The following FRMD6 variants were observed in gnomAD, a reference collection of about 807,000 sequenced individuals.
The protein encoded by FRMD6 is FERM domain containing 6.
A neutral mutation model predicts 73.2 loss-of-function variants in FRMD6; 37 were observed. That is an observed-to-expected ratio of 0.51 (90% confidence interval 0.39 to 0.66). The LOEUF (loss-of-function observed/expected upper bound fraction) is 0.66. Ranked by LOEUF, FRMD6 falls within the 30% of genes least tolerant of loss-of-function variation. The probability of loss-of-function intolerance (pLI) is 0.00; values close to 1 mark genes in which losing one functional copy is unlikely to be tolerated. For missense variants in FRMD6, 714 were observed against 780.5 expected (o/e 0.91, Z 1.02); for synonymous variants, 273 against 282.2 (o/e 0.97, Z 0.33).
At chr14:51,452,647 AG>A in the FRMD6 span, among the ~76,000 whole-genome samples, 1 of 152,222 alleles carries the variant, frequency 6.6e-6, no homozygotes, top group Non-Finnish European at 1.5e-5. Flanking sequence ...AAGTCACCCA[AG>A]GAGTAGCATA....
At chr14:51,481,950 G>A in the FRMD6 span, among the ~76,000 whole-genome samples, 4 of 152,164 alleles carry the variant, frequency 2.6e-5, no homozygotes, top group Admixed American at 6.5e-5. Context: ...TGTTCAAATT[G>A]CATTTTATAA....
the FRMD6 span, among the ~76,000 whole-genome samples, chr14:51,471,589 C>T: frequency 3.9e-3 from 590 of 151,720 alleles, 9 homozygotes; most frequent in East Asian, 0.057. Context: ...AAGAAACATT[C>T]GGCATTCTTG....
intron 2 of FRMD6, among the ~76,000 whole-genome samples, chr14:51,690,574 C>T (rs1402170764): frequency 6.6e-6 from 1 of 152,084 alleles, no homozygotes; most frequent in Non-Finnish European, 1.5e-5. Flanking sequence ...TTAGTAGCGA[C>T]GGGGTTTCAC....
chr14:51,484,111 A>G (rs547893579), upstream of FRMD6, among the ~76,000 whole-genome samples: 1 of 152,248 alleles, frequency 6.6e-6, no homozygotes, highest in Non-Finnish European at 1.5e-5. Flanking sequence ...AAGCTTTTCC[A>G]TTAAAAAAAT....
At chr14:51,611,465 A>G (rs1594600833) in intron 2 of FRMD6, among the ~76,000 whole-genome samples, 1 of 152,272 alleles carries the variant, frequency 6.6e-6, no homozygotes, top group Middle Eastern at 3.4e-3. Flanking sequence ...AGAGATTCTG[A>G]TTTATTTAGT....
chr14:51,730,123 A>C lies in FRMD6; in HGVS notation c.*2094A>C, dbSNP rs550994038. ...CCCTTAGAGTTTCTTGCAAACATTT[A>C]AAAAAAGACATATTTAAGAAAGAAA... is the stretch of plus-strand genomic sequence containing the variant. On this transcript the variant is annotated 3_prime_UTR_variant, in exon 14 of 14. Coordinates refer to ENST00000344768, the MANE Select transcript of FRMD6 (RefSeq NM_001267046.2). The C allele has an allele frequency of 1.2e-4, 19 of 152,304 alleles. No homozygotes were observed. The highest frequency in any genetic ancestry group is 4.6e-4 in the African/African-American group (19 of 41,576). 9.4% of individuals were successfully genotyped at this position (152,304 alleles called of 1,614,324 possible). A position where few individuals can be genotyped will look rare whatever the true frequency, so the allele number is the denominator to read the frequency against.
intron 1 of FRMD6, among the ~76,000 whole-genome samples, chr14:51,523,434 T>C (rs369135676): frequency 2.2e-4 from 34 of 152,280 alleles, no homozygotes; most frequent in East Asian, 1.4e-3. Flanking sequence ...TATGCAGAAC[T>C]GGGGCAACGC....
chr14:51,728,106 A>G lies in FRMD6; in HGVS notation c.*77A>G. 1 of 1,332,916 alleles carries G rather than the reference A, an allele frequency of 7.5e-7. No individual in the cohort carries two copies. The highest frequency in any genetic ancestry group is 2.2e-5 in the Admixed American group (1 of 46,482). 82.6% of individuals were successfully genotyped at this position (1,332,916 alleles called of 1,614,324 possible). A position where few individuals can be genotyped will look rare whatever the true frequency, so the allele number is the denominator to read the frequency against. On this transcript the variant is annotated 3_prime_UTR_variant, in exon 14 of 14. Coordinates refer to ENST00000344768, the MANE Select transcript of FRMD6 (RefSeq NM_001267046.2). ...GAAAGTCATAAGTTCTTTACATATT[A>G]CTTGTGCCATATCTTCTTCACCCTA... is the stretch of plus-strand genomic sequence containing the variant.
At chr14:51,419,413 C>G in the FRMD6 span, among the ~76,000 whole-genome samples, 1 of 152,188 alleles carries the variant, frequency 6.6e-6, no homozygotes, top group African/African-American at 2.4e-5. Context: ...TTCCAAAGTG[C>G]TGGGATTACA....
chr14:51,689,624 T>C (rs1453453991), intron 1 of FRMD6, 67 bp from the exon 2 acceptor site: 6 of 564,160 alleles, frequency 1.1e-5, no homozygotes, highest in Non-Finnish European at 1.9e-5. Flanking sequence ...TGTGCTTATC[T>C]TCCTGACGCG....
At position 51,550,588 on chromosome 14, in the gene FRMD6, G is replaced by A. The variant is rs35127578; in HGVS notation, c.-209-19760G>A. 2.1e-4 allele frequency among the ~76,000 whole-genome samples: 32 copies of A among 150,538 alleles called. 1 individual carries two copies. The highest frequency in any genetic ancestry group is 3.4e-3 in the Middle Eastern group (1 of 294). ...GGGCAGCTTGGGAGGAGACCCCCCC[G>A]CCATGCTTATAGCTTGAATGGATTC... On this transcript the variant is annotated intron_variant, in intron 1 of 14. Transcript: ENST00000356218.
At chr14:51,603,650 C>T (rs1467587260) in intron 2 of FRMD6, among the ~76,000 whole-genome samples, 2 of 152,110 alleles carry the variant, frequency 1.3e-5, no homozygotes, top group Non-Finnish European at 2.9e-5. Flanking sequence ...GAGCAAGGGC[C>T]TTGGCATCAA....
At chr14:51,596,248 G>GGTGTGTGTGTGTGTGT (rs3060588) in intron 2 of FRMD6, among the ~76,000 whole-genome samples, 1 of 147,602 alleles carries the variant, frequency 6.8e-6, no homozygotes, top group African/African-American at 2.5e-5. Context: ...AGGAGAGCCT[G>GGTGTGTGTGTGTGTGT]GTGTGTGTGT....
chr14:51,505,734 T>G (rs1419231314), intron 1 of FRMD6, among the ~76,000 whole-genome samples: 1 of 152,114 alleles, frequency 6.6e-6, no homozygotes, highest in Non-Finnish European at 1.5e-5. Context: ...TACTCACACC[T>G]TTTCTCTAAT....
chr14:51,420,116 T>C, the FRMD6 span, among the ~76,000 whole-genome samples: 11 of 152,238 alleles, frequency 7.2e-5, no homozygotes, highest in Non-Finnish European at 1.6e-4. Context: ...TTGGTCTGCA[T>C]GTCAAGGCCC....
chr14:51,715,275 C>A, intron 9 of FRMD6, 50 bp from the exon 10 acceptor site: 4 of 1,392,736 alleles, frequency 2.9e-6, no homozygotes, highest in Non-Finnish European at 3.8e-6. Context: ...GGGACTTTGG[C>A]AAATCAGAGA....
At chr14:51,499,240 G>A (rs922407175) in intron 1 of FRMD6, among the ~76,000 whole-genome samples, 5 of 152,208 alleles carry the variant, frequency 3.3e-5, no homozygotes, top group African/African-American at 1.2e-4. Context: ...TCTCAGCAAC[G>A]ACAGCTGAGC....
At position 51,558,781 on chromosome 14, in the gene FRMD6, G is replaced by C. The variant is rs371112553; in HGVS notation, c.-209-11567G>C. On this transcript the variant is annotated intron_variant, in intron 1 of 14. Transcript: ENST00000356218. ...TTGAGAAAATTTGCCCTCCTCTAAA[G>C]GAGTTTTTTTGTCTGCTTTTCATAT... Among the ~76,000 whole-genome samples the C allele has an allele frequency of 3.8e-4, 58 of 152,220 alleles. 1 individual carries two copies. In the South Asian group the frequency reaches 0.012, roughly 31 times the overall value.
chr14:51,477,983 C>A, the FRMD6 span, among the ~76,000 whole-genome samples: 1 of 152,278 alleles, frequency 6.6e-6, no homozygotes. Context: ...GGTGATCCAC[C>A]TGCCTCAGCC....
Sources: allele counts gnomAD v4.1 joint callset (sites outside exome capture counted in the v4.1 genomes callset), GRCh38; gene constraint gnomAD v4.1.1; transcripts MANE v1.5; gene names NCBI Gene and HGNC (gene_info 2026-07-23, HGNC 2026-07-21).